The following ADSS1 variants were observed in gnomAD, a reference collection of about 807,000 sequenced individuals.
The protein encoded by ADSS1 is adenylosuccinate synthetase isozyme 1.
ADSS1 carries 57 observed loss-of-function variants against 59.1 expected under a neutral mutation model. That is an observed-to-expected ratio of 0.97 (90% CI 0.78 to 1.20). The LOEUF (loss-of-function observed/expected upper bound fraction) is 1.20. ADSS1 is among the 50% of genes most tolerant of loss of function. The probability of loss-of-function intolerance (pLI) is 0.00; values close to 1 mark genes in which losing one functional copy is unlikely to be tolerated. For missense variants in ADSS1, 603 were observed against 610.3 expected, an observed-to-expected ratio of 0.99 and a Z score of 0.13; for synonymous variants, 247 against 249.4, an observed-to-expected ratio of 0.99 and a Z score of 0.09.
intron 4 of ADSS1, 63 bp from the exon 5 acceptor site, chr14:104,739,687 T>C: frequency 6.4e-7 from 1 of 1,564,194 alleles, no homozygotes; most frequent in African/African-American, 1.4e-5. Flanking sequence ...GAGGTCCATG[T>C]ATACACATCT....
At position 104,739,830 on chromosome 14, in the gene ADSS1, GA is replaced by G; in HGVS notation, c.476+15del. 1 of 1,613,646 alleles carries G rather than the reference GA, an allele frequency of 6.2e-7. No homozygotes were observed. Among genetic ancestry groups the G allele is most frequent in the Non-Finnish European group, 8.5e-7 (1 of 1,179,950 alleles). Reference sequence around the variant, plus strand: ...AGAGGGGAAGAAGTAAGTCTGCCGGGACACTCTCACCCTCGGGGAGTCTTCT... The same window carrying G: ...AGAGGGGAAGAAGTAAGTCTGCCGGGCACTCTCACCCTCGGGGAGTCTTCT... On this transcript the variant is annotated intron_variant, in intron 5 of 12. Transcript: ENST00000330877.
chr14:104,728,632 G>A (rs1160713340), intron 1 of ADSS1, among the ~76,000 whole-genome samples: 1 of 152,204 alleles, frequency 6.6e-6, no homozygotes, highest in Non-Finnish European at 1.5e-5. Flanking sequence ...CTCTGTGCCG[G>A]GCACAGTCGT....
rs1217438719 is a variant in ADSS1 at position 104,730,143 on chromosome 14, A to G, written c.193-4877A>G. The stretch of plus-strand genomic sequence containing the variant: ...AGGGCTTGGAGGAGCCACGGGTCAA[A>G]TGCAGGAGGCCACACCTGCCTGCCC... On this transcript the variant is annotated intron_variant, in intron 1 of 12. Coordinates refer to ENST00000330877, the MANE Select transcript of ADSS1 (RefSeq NM_152328.5). 4 of 1,545,682 alleles carry G rather than the reference A, an allele frequency of 2.6e-6. No homozygotes were observed. The East Asian group carries it at 9.8e-5, about 38-fold the overall frequency.
intron 1 of ADSS1, among the ~76,000 whole-genome samples, chr14:104,726,246 C>G (rs1890714952): frequency 6.6e-6 from 1 of 152,262 alleles, no homozygotes; most frequent in Non-Finnish European, 1.5e-5. Context: ...AGCTCCTTCA[C>G]AGGGGAACAG....
chr14:104,742,540 C>T (rs540074794), intron 9 of ADSS1, among the ~76,000 whole-genome samples: 1 of 152,390 alleles, frequency 6.6e-6, no homozygotes, highest in East Asian at 1.9e-4. Flanking sequence ...CTTCCTCTTT[C>T]ACCCTCAACC....
chr14:104,735,123 G>T lies in ADSS1; in HGVS notation c.295+1G>T. 2 of 1,607,116 alleles carry T rather than the reference G, an allele frequency of 1.2e-6. No individual in the cohort carries two copies. Among genetic ancestry groups the T allele is most frequent in the South Asian group, 1.1e-5 (1 of 90,144 alleles). ...AACACCAAGGCCGTGTCCTTCATTGGTGAGTGCCCTGCCCCGACCTGTGTG... is the reference window on the plus strand; with the variant it reads ...AACACCAAGGCCGTGTCCTTCATTGTTGAGTGCCCTGCCCCGACCTGTGTG... On this transcript the variant is annotated splice_donor_variant, in intron 2 of 12. Transcript: ENST00000330877. LOFTEE classifies it high-confidence loss of function.
In ADSS1 at chr14:104,735,040, C is replaced by T. The variant is rs1566797191; in HGVS notation, c.213C>T (p.His71=). The T allele has an allele frequency of 6.2e-7, 1 of 1,613,436 alleles. No individual in the cohort carries two copies. Among genetic ancestry groups the T allele is most frequent in the Non-Finnish European group, 8.5e-7 (1 of 1,179,592 alleles). The part of the protein sequence containing the change: ...SRCQGGNNAG[H]TVVVDGKEYD... ...TCCAGGGGGGCAACAACGCCGGCCA[C>T]ACGGTGGTGGTGGATGGGAAAGAGT... is the stretch of plus-strand genomic sequence containing the variant. Residue 71 remains histidine (H), a synonymous_variant, in exon 2 of 13, where the codon CAC becomes CAT. Transcript: ENST00000330877.
intron 1 of ADSS1, among the ~76,000 whole-genome samples, chr14:104,725,884 C>T (rs943308868): frequency 1.3e-5 from 2 of 151,788 alleles, no homozygotes; most frequent in South Asian, 2.1e-4. Context: ...TTCTGCAGGG[C>T]GGGCTGGGGC....
intron 10 of ADSS1, chr14:104,744,369 CAG>C (rs1249370443): frequency 6.2e-6 from 1 of 160,122 alleles, no homozygotes; most frequent in Non-Finnish European, 1.4e-5. Context: ...CTTTTCCACT[CAG>C]TGTAAATCAG....
chr14:104,732,626 C>T (rs1226076689), intron 1 of ADSS1, among the ~76,000 whole-genome samples: 5 of 152,230 alleles, frequency 3.3e-5, no homozygotes, highest in Admixed American at 1.3e-4. Flanking sequence ...CCTAGCAGGG[C>T]GTTCCTGGGC....
Position 104,743,063 on chromosome 14 carries a change from G to A in ADSS1, c.949-4G>A, listed in dbSNP as rs1891430567. ...CACATGACGTCCTCCCTGTTCTCATGTAGGAGATTGGAGGCCTGCTGCAGA... is the reference window on the plus strand; with the variant it reads ...CACATGACGTCCTCCCTGTTCTCATATAGGAGATTGGAGGCCTGCTGCAGA... On this transcript the variant is annotated splice_polypyrimidine_tract_variant and splice_region_variant and intron_variant, in intron 9 of 12. Coordinates refer to ENST00000330877, the MANE Select transcript of ADSS1 (RefSeq NM_152328.5). 2 of 1,612,874 alleles carry A rather than the reference G, an allele frequency of 1.2e-6. No individual in the cohort carries two copies. Among genetic ancestry groups the A allele is most frequent in the East Asian group, 2.2e-5 (1 of 44,878 alleles).
chr14:104,731,675 T>A (rs1401791515), intron 1 of ADSS1, among the ~76,000 whole-genome samples: 3 of 152,136 alleles, frequency 2.0e-5, no homozygotes, highest in African/African-American at 7.2e-5. Context: ...GAGCTTGGCC[T>A]GAGGGGCTGT....
At position 104,747,006 on chromosome 14, in the gene ADSS1, A is replaced by G. The variant is rs6644; in HGVS notation, c.*3A>G. On this transcript the variant is annotated 3_prime_UTR_variant, in exon 13 of 13. Coordinates refer to ENST00000330877, the MANE Select transcript of ADSS1 (RefSeq NM_152328.5). ...AGTCGATGATCCAGCTGTTTTAGTC[A>G]CAGACTGAGCTGATCCCAACAGGCC... is the stretch of plus-strand genomic sequence containing the variant. 796,118 of 1,612,700 alleles carry G rather than the reference A, an allele frequency of 0.49. 206,508 individuals are homozygous for G. Among genetic ancestry groups the G allele is most frequent in the African/African-American group, 0.9 (67,299 of 75,004 alleles).
At chr14:104,725,518 G>A (rs1306628357) in intron 1 of ADSS1, among the ~76,000 whole-genome samples, 1 of 152,028 alleles carries the variant, frequency 6.6e-6, no homozygotes, top group Admixed American at 6.5e-5. Context: ...GTGGCTCAGG[G>A]CTGTCCGAGC....
At chr14:104,727,749 C>T (rs1486952792) in intron 1 of ADSS1, among the ~76,000 whole-genome samples, 1 of 152,216 alleles carries the variant, frequency 6.6e-6, no homozygotes, top group Non-Finnish European at 1.5e-5. Flanking sequence ...CTGGCAGTGC[C>T]CGGCCTTCAC....
chr14:104,726,260 C>T (rs1890715690), intron 1 of ADSS1, among the ~76,000 whole-genome samples: 1 of 152,262 alleles, frequency 6.6e-6, no homozygotes, highest in Non-Finnish European at 1.5e-5. Context: ...GGAACAGAGG[C>T]TCAGGCGTGG....
At position 104,740,466 on chromosome 14, in the gene ADSS1, C is replaced by T. The variant is rs544818277; in HGVS notation, c.477-135C>T. The T allele has an allele frequency of 2.6e-6, 2 of 765,632 alleles. No individual in the cohort carries two copies. Among genetic ancestry groups the T allele is most frequent in the African/African-American group, 1.7e-5 (1 of 57,352 alleles). The allele number at this position is 765,632 out of a possible 1,614,324, so 47.4% of individuals were successfully genotyped here. Reference sequence around the variant, plus strand: ...GTGCGTACACCCACACACGCACACACTCACAGCTCAGCCAGACACAGGCAG... The same window carrying T: ...GTGCGTACACCCACACACGCACACATTCACAGCTCAGCCAGACACAGGCAG... On this transcript the variant is annotated intron_variant, in intron 5 of 12. Transcript: ENST00000330877. This position sits in a 1 kb window ranked among gnomAD's most constrained non-coding sequence, Gnocchi z 4.8.
intron 2 of ADSS1, among the ~76,000 whole-genome samples, chr14:104,735,350 G>A (rs1201544319): frequency 1.3e-5 from 2 of 152,216 alleles, no homozygotes; most frequent in Admixed American, 1.3e-4. Flanking sequence ...TGGGAGGAGG[G>A]GCAGAGTCAC....
At chr14:104,745,920 G>C (rs1350076356) in intron 11 of ADSS1, 1 of 159,498 alleles carries the variant, frequency 6.3e-6, no homozygotes, top group African/African-American at 4.8e-5. Flanking sequence ...GGATTCTAGA[G>C]TCTCAGAATT....
Sources: gnomAD v4.1 joint callset for allele counts (sites outside exome capture counted in the v4.1 genomes callset) on GRCh38, gnomAD v4.1.1 for gene constraint, Gnocchi (gnomAD v3.1) non-coding constraint, MANE v1.5 for transcripts, NCBI Gene and HGNC (gene_info 2026-07-23, HGNC 2026-07-21) for gene names.